Variants in PDGFD observed in about 807,000 individuals in gnomAD.
The protein encoded by PDGFD is platelet-derived growth factor D.
PDGFD carries 30 observed loss-of-function variants against 44.7 expected under a neutral mutation model. The ratio of observed to expected loss-of-function variants is 0.67; its 90% CI spans 0.50 to 0.91. The LOEUF (loss-of-function observed/expected upper bound fraction) is 0.91, where lower values mean the gene tolerates loss of function less well. Among genes scored for constraint, PDGFD ranks in the 40% least tolerant of loss-of-function variants. The pLI is 0.00. For missense variants in PDGFD, 445 were observed against 457.8 expected (o/e 0.97, Z 0.25); for synonymous variants, 173 against 168.4 (o/e 1.03, Z -0.21).
chr11:104,141,131 C>T (rs1862079357), intron 1 of PDGFD, among the ~76,000 whole-genome samples: 2 of 152,178 alleles, frequency 1.3e-5, no homozygotes, highest in East Asian at 1.9e-4. Flanking sequence ...CTCTTTCCTG[C>T]CTTACATTTC....
intron 3 of PDGFD, among the ~76,000 whole-genome samples, chr11:103,975,296 G>A (rs937117520): frequency 5.9e-5 from 9 of 152,154 alleles, no homozygotes; most frequent in Non-Finnish European, 1.2e-4. Context: ...CTTCATTTGA[G>A]AAGTGTCTGT....
intron 3 of PDGFD, among the ~76,000 whole-genome samples, chr11:103,966,420 C>T (rs890861379): frequency 2.4e-4 from 36 of 152,212 alleles, no homozygotes; most frequent in African/African-American, 7.9e-4. Flanking sequence ...AAAACATCCC[C>T]AATAGTCCTG....
rs1330442941 is a variant in PDGFD, at chr11:103,943,571, T to G, written c.653A>C (p.Asp218Ala). 6.2e-7 allele frequency: 1 copy of G among 1,613,394 alleles called. No homozygotes were observed. Among genetic ancestry groups the G allele is most frequent in the Non-Finnish European group, 8.5e-7 (1 of 1,179,622 alleles). ...DALDKKIAEF[D>A]TVEDLLKYFN... ...GTACTTGAGCAGATCTTCCACTGTA[T>G]CAAATTCTGCAATTTTTTTGTCCAG... is the stretch of plus-strand genomic sequence containing the variant. The change falls in exon 5 of 7, where the codon GAT becomes GCT. Residue 218 changes from aspartate to alanine, a missense_variant. Coordinates refer to ENST00000393158, the MANE Select transcript of PDGFD (RefSeq NM_025208.5).
intron 1 of PDGFD, among the ~76,000 whole-genome samples, chr11:104,144,538 A>AAAAAAAAAAAAAAAAACC (rs1565347744): frequency 7.5e-6 from 1 of 134,228 alleles, no homozygotes; most frequent in African/African-American, 3.1e-5. Flanking sequence ...ACCCAACAAA[A>AAAAAAAAAAAAAAAAACC]CAAAACAAAC....
chr11:103,909,640 C>A lies in PDGFD; in HGVS notation c.*54G>T. On this transcript the variant is annotated 3_prime_UTR_variant, in exon 7 of 7. Transcript: ENST00000393158. ...GGTAGGAAAAGGGTCTCTTATCTCA[C>A]CCTCCTTAAACTAAAGGTTCTTTCA... 1.2e-6 allele frequency: 2 copies of A among 1,603,940 alleles called. No homozygotes were observed. Among genetic ancestry groups the A allele is most frequent in the Non-Finnish European group, 1.7e-6 (2 of 1,171,652 alleles).
intron 1 of PDGFD, among the ~76,000 whole-genome samples, chr11:104,044,334 A>G (rs1860405653): frequency 6.6e-6 from 1 of 152,198 alleles, no homozygotes; most frequent in Non-Finnish European, 1.5e-5. Flanking sequence ...ATAAAGGAAT[A>G]TGGTTGCCTT....
intron 4 of PDGFD, 67 bp from the exon 5 acceptor site, chr11:103,943,717 A>T: frequency 7.4e-7 from 1 of 1,342,440 alleles, no homozygotes. Context: ...ACAGTCATTC[A>T]ACTATACGGA....
intron 1 of PDGFD, among the ~76,000 whole-genome samples, chr11:104,152,473 T>C (rs1862260855): frequency 6.6e-6 from 1 of 152,156 alleles, no homozygotes; most frequent in Non-Finnish European, 1.5e-5. Context: ...TTTGTTAGTG[T>C]TCTATCATCT....
chr11:104,044,438 G>A (rs970506433), intron 1 of PDGFD, among the ~76,000 whole-genome samples: 8 of 151,748 alleles, frequency 5.3e-5, no homozygotes, highest in African/African-American at 1.2e-4. Context: ...ATAAGCCAAC[G>A]TAGAAAAAAA....
chr11:104,044,414 A>G (rs1302806896), intron 1 of PDGFD, among the ~76,000 whole-genome samples: 1 of 152,210 alleles, frequency 6.6e-6, no homozygotes, highest in Non-Finnish European at 1.5e-5. Flanking sequence ...TGGACAAAGT[A>G]TCACATGTTA....
rs1565302726 is a variant in PDGFD at position 103,984,812 on chromosome 11, A to ATATTTATTTAATATATAATATATT, written c.510+11229_510+11252dup. ...TTAAATAATTATATTTAATATATTT[A>ATATTTATTTAATATATAATATATT]TATTTATTTAATATATAATATATTA... is the stretch of plus-strand genomic sequence containing the variant. On this transcript the variant is annotated intron_variant, in intron 3 of 6. Transcript: ENST00000393158. Among the ~76,000 whole-genome samples, 119 of 141,870 alleles carry ATATTTATTTAATATATAATATATT rather than the reference A, an allele frequency of 8.4e-4. 1 individual carries two copies. The highest frequency in any genetic ancestry group is 2.8e-3 in the African/African-American group (103 of 37,418). The allele number at this position is 141,870 out of a possible 152,430, so 93.1% of individuals were successfully genotyped here. A position where few individuals can be genotyped will look rare whatever the true frequency, so the allele number is the denominator to read the frequency against.
intron 5 of PDGFD, among the ~76,000 whole-genome samples, chr11:103,938,722 A>T (rs1173757974): frequency 2.0e-5 from 3 of 152,116 alleles, no homozygotes; most frequent in African/African-American, 7.2e-5. Context: ...ATCTTGAATT[A>T]ATTTTTGTAT....
Position 104,149,147 on chromosome 11 carries a change from A to G in PDGFD, c.124+14657T>C, listed in dbSNP as rs1298054103. ...CTAGAATTCTCTGAGTCTGTCCTAA[A>G]CTCCAAATTTCCAGCAATCTTAAAA... On this transcript the variant is annotated intron_variant, in intron 1 of 6. Transcript: ENST00000393158. Among the ~76,000 whole-genome samples, 14 of 152,110 alleles carry G rather than the reference A, an allele frequency of 9.2e-5. 1 individual carries two copies. Among genetic ancestry groups the G allele is most frequent in the Admixed American group, 9.2e-4 (14 of 15,274 alleles).
intron 1 of PDGFD, among the ~76,000 whole-genome samples, chr11:104,042,107 T>C (rs1463472587): frequency 3.3e-5 from 5 of 152,114 alleles, no homozygotes; most frequent in Non-Finnish European, 7.4e-5. Flanking sequence ...TAAAGATGGG[T>C]AGAGAAAGAA....
intron 1 of PDGFD, among the ~76,000 whole-genome samples, chr11:104,155,708 T>C (rs1208629859): frequency 1.3e-5 from 2 of 152,220 alleles, no homozygotes; most frequent in Admixed American, 1.3e-4. Context: ...TTGTTGCATA[T>C]TGGTTAGTTC....
intron 6 of PDGFD, among the ~76,000 whole-genome samples, chr11:103,920,373 C>T (rs1382247082): frequency 6.6e-6 from 1 of 152,198 alleles, no homozygotes; most frequent in Non-Finnish European, 1.5e-5. Flanking sequence ...GGATTATTGA[C>T]TACATGTTCA....
intron 1 of PDGFD, among the ~76,000 whole-genome samples, chr11:104,090,657 C>A (rs1861200200): frequency 6.7e-6 from 1 of 149,740 alleles, no homozygotes; most frequent in African/African-American, 2.5e-5. Flanking sequence ...TACAGCAGAA[C>A]AAGGCACTGT....
intron 1 of PDGFD, among the ~76,000 whole-genome samples, chr11:104,028,191 G>A (rs913680461): frequency 0.028 from 3,165 of 114,830 alleles, no homozygotes; most frequent in Non-Finnish European, 0.031. Context: ...CTCCGTCAAA[G>A]AAAAAAAAAA....
At chr11:104,121,404 C>T (rs1263350054) in intron 1 of PDGFD, among the ~76,000 whole-genome samples, 1 of 151,996 alleles carries the variant, frequency 6.6e-6, no homozygotes, top group Non-Finnish European at 1.5e-5. Context: ...TCCAGAATTA[C>T]AGACATTTAG....
Sources: gnomAD v4.1 joint callset for allele counts (sites outside exome capture counted in the v4.1 genomes callset) on GRCh38, gnomAD v4.1.1 for gene constraint, MANE v1.5 for transcripts, NCBI Gene and HGNC (gene_info 2026-07-23, HGNC 2026-07-21) for gene names.